PEX11G: variants seen among roughly 807,000 people sequenced by gnomAD.
PEX11G encodes peroxisomal biogenesis factor 11 gamma.
A neutral mutation model predicts 22.5 loss-of-function variants in PEX11G; 20 were observed. The observed-to-expected ratio is 0.89, with a 90% CI of 0.62 to 1.29. The LOEUF (loss-of-function observed/expected upper bound fraction) is 1.29. PEX11G is among the 50% of genes most tolerant of loss of function. The probability of loss-of-function intolerance (pLI) is 0.00; values close to 1 mark genes in which losing one functional copy is unlikely to be tolerated. For missense variants in PEX11G, 347 were observed against 331.3 expected (o/e 1.05, Z -0.37); for synonymous variants, 141 against 154.5 (o/e 0.91, Z 0.65).
chr19:7,486,195 C>A (rs1406125773), intron 1 of PEX11G, among the ~76,000 whole-genome samples, 169 bp from the exon 2 acceptor site: 1 of 152,134 alleles, frequency 6.6e-6, no homozygotes, highest in African/African-American at 2.4e-5. Flanking sequence ...GGCACGATCT[C>A]GGCTCACCGC....
upstream of PEX11G, chr19:7,493,184 G>A (rs2021919215): frequency 2.0e-5 from 3 of 151,150 alleles, no homozygotes. Flanking sequence ...CTTCCTCTCT[G>A]TCTCTCTCTC....
Position 7,488,997 on chromosome 19 carries a change from C to T in PEX11G, c.14G>A (p.Ser5Asn). ...CGACTCCAGCGCCGACGCCAGGCCG[C>T]TCAGCGACGCCATGGCAACTCCGTG... MASL[S>N]GLASALESYR... The change falls in exon 1 of 5, where the codon AGC (serine) becomes AAC (asparagine). Residue 5 changes from serine to asparagine, a missense_variant. Coordinates refer to ENST00000221480, the MANE Select transcript of PEX11G (RefSeq NM_080662.4). 1 of 1,543,488 alleles carries T rather than the reference C, an allele frequency of 6.5e-7. No individual in the cohort carries two copies. The highest frequency in any genetic ancestry group is 1.2e-5 in the South Asian group (1 of 83,894).
Position 7,486,606 on chromosome 19 carries a change from A to AT in PEX11G, c.61-581dup, listed in dbSNP as rs995609683. Among the ~76,000 whole-genome samples the AT allele has an allele frequency of 8.3e-3, 1,235 of 148,482 alleles. 18 individuals carry two copies. The highest frequency in any genetic ancestry group is 0.026 in the African/African-American group (1,051 of 40,674). On this transcript the variant is annotated intron_variant, in intron 1 of 4. Coordinates refer to ENST00000221480, the MANE Select transcript of PEX11G (RefSeq NM_080662.4). ...GCAAGACCCTGTGTCTACCAAAAAAATTTTTTTTTTTGAGACGGAGTCTTG... is the reference window on the plus strand; with the variant it reads ...GCAAGACCCTGTGTCTACCAAAAAAATTTTTTTTTTTTGAGACGGAGTCTTG...
chr19:7,482,036 G>A lies in PEX11G; in HGVS notation c.425C>T (p.Ala142Val). 1.3e-6 allele frequency: 2 copies of A among 1,593,692 alleles called. No individual in the cohort carries two copies. The highest frequency in any genetic ancestry group is 1.7e-6 in the Non-Finnish European group (2 of 1,171,452). Residue 142 changes from alanine to valine, a missense_variant, in exon 3 of 5, where the codon GCC (alanine) becomes GTC (valine). By Grantham distance (64) the Ala-to-Val change is moderately conservative. Transcript: ENST00000221480. ...CCTTCTGGCCCATGCCACTTACCTG[G>A]CAACCCCCAGGAGCAGAGAGAGGGC... ...LWALSLLLGV[A>V]RSLWMLLKLR...
rs1389296927 is a variant in PEX11G at position 7,478,300 on chromosome 19, T to C, written c.491+14A>G. ...GGGAGTGGGCCTCCCTGCTGGGTGATCACGGGCTCCTACCTGGTGAAGGGC... is the reference window on the plus strand; with the variant it reads ...GGGAGTGGGCCTCCCTGCTGGGTGACCACGGGCTCCTACCTGGTGAAGGGC... On this transcript the variant is annotated intron_variant, in intron 4 of 4. Transcript: ENST00000221480. 34 of 1,609,086 alleles carry C rather than the reference T, an allele frequency of 2.1e-5. 1 individual carries two copies. Among genetic ancestry groups the C allele is most frequent in the Non-Finnish European group, 2.8e-5 (33 of 1,178,988 alleles).
In PEX11G at chr19:7,477,298, C is replaced by T. The variant is rs777864503; in HGVS notation, c.630G>A (p.Pro210=). 1.1e-5 allele frequency: 17 copies of T among 1,572,180 alleles called. No individual in the cohort carries two copies. The highest frequency in any genetic ancestry group is 1.4e-5 in the Non-Finnish European group (16 of 1,160,162). ...PRGVLWAGRF[P]PWLVGLMGTI... ...TGCCCATGAGGCCCACTAGCCACGG[C>T]GGGAAGCGGCCGGCCCACAGCACGC... Residue 210 remains proline (P), a synonymous_variant, in exon 5 of 5, where the codon CCG becomes CCA. Transcript: ENST00000221480.
upstream of PEX11G, among the ~76,000 whole-genome samples, chr19:7,493,925 A>G (rs771521538): frequency 4.1e-4 from 50 of 122,886 alleles, no homozygotes; most frequent in South Asian, 2.9e-3. Context: ...TTTTTTTTTT[A>G]GAGTCAGAGT....
At chr19:7,486,387 A>G (rs749042685) in intron 1 of PEX11G, among the ~76,000 whole-genome samples, 1 of 152,172 alleles carries the variant, frequency 6.6e-6, no homozygotes, top group Non-Finnish European at 1.5e-5. Flanking sequence ...TAGCCTCCCA[A>G]AGTGCTGGGA....
In PEX11G at chr19:7,477,250, C is replaced by A; in HGVS notation, c.678G>T (p.Met226Ile). The A allele has an allele frequency of 6.4e-7, 1 of 1,574,024 alleles. No individual in the cohort carries two copies. The highest frequency in any genetic ancestry group is 2.3e-5 in the East Asian group (1 of 42,820). The change falls in exon 5 of 5, where the codon ATG becomes ATT. Residue 226 changes from methionine to isoleucine, a missense_variant. Transcript: ENST00000221480. Reference sequence around the variant, plus strand: ...GGCCGCCGGCCCGGGCCGCCTGGTACATGCTGAGGATTGAGGAGATGGTGC... The same window carrying A: ...GGCCGCCGGCCCGGGCCGCCTGGTAAATGCTGAGGATTGAGGAGATGGTGC... ...LMGTISSILS[M>I]YQAARAGGQA...
chr19:7,491,247 T>G, upstream of PEX11G: 1 of 151,740 alleles, frequency 6.6e-6, no homozygotes, highest in African/African-American at 2.4e-5. Context: ...TCTCTCTGTA[T>G]TTTTACCACT....
chr19:7,480,510 C>A (rs575123954), intron 3 of PEX11G, among the ~76,000 whole-genome samples: 2 of 152,300 alleles, frequency 1.3e-5, no homozygotes, highest in African/African-American at 4.8e-5. Flanking sequence ...CCTTTTGAGA[C>A]AGCCAAAATG....
At chr19:7,488,870 G>T in intron 1 of PEX11G, 81 bp downstream of exon 1, 1 of 1,438,828 alleles carries the variant, frequency 7.0e-7, no homozygotes, top group Non-Finnish European at 9.5e-7. Flanking sequence ...GGGCGACCCC[G>T]TCCCCTCTCT....
At chr19:7,493,966 G>C (rs974480256), upstream of PEX11G, among the ~76,000 whole-genome samples, 2 of 151,080 alleles carry the variant, frequency 1.3e-5, no homozygotes, top group African/African-American at 4.9e-5. Flanking sequence ...GGAATACAGT[G>C]GTATGATCTT....
At chr19:7,490,413 C>T (rs2021854943), upstream of PEX11G, among the ~76,000 whole-genome samples, 3 of 151,372 alleles carry the variant, frequency 2.0e-5, no homozygotes, top group Admixed American at 1.3e-4. Context: ...CTCCGCCTCG[C>T]GGGTTCACGC....
At chr19:7,493,879 A>G (rs191461375), upstream of PEX11G, among the ~76,000 whole-genome samples, 555 of 136,066 alleles carry the variant, frequency 4.1e-3, 5 homozygotes, top group African/African-American at 0.013. Flanking sequence ...GTCTTTGTGC[A>G]CTCCCCTCTC....
At chr19:7,485,671 A>T (rs2021612406) in intron 2 of PEX11G, among the ~76,000 whole-genome samples, 167 bp downstream of exon 2, 1 of 152,014 alleles carries the variant, frequency 6.6e-6, no homozygotes, top group Admixed American at 6.6e-5. Context: ...GGGTTTTACC[A>T]TGTTGGCCTG....
At chr19:7,481,489 A>G (rs1379858728) in intron 3 of PEX11G, among the ~76,000 whole-genome samples, 1 of 152,256 alleles carries the variant, frequency 6.6e-6, no homozygotes, top group East Asian at 1.9e-4. Flanking sequence ...GGCATGAGCC[A>G]CCACGCCCAA....
At chr19:7,481,015 C>T (rs907159411) in intron 3 of PEX11G, among the ~76,000 whole-genome samples, 6 of 152,062 alleles carry the variant, frequency 3.9e-5, no homozygotes, top group African/African-American at 9.7e-5. Flanking sequence ...CTGACAGCAA[C>T]GCCAGCAAGA....
At chr19:7,489,325 A>C (rs192642880), upstream of PEX11G, 10 of 1,142,616 alleles carry the variant, frequency 8.8e-6, no homozygotes, top group East Asian at 4.6e-4. Flanking sequence ...CGCTCCAAAA[A>C]TATTCCAAGC....
Sources: gnomAD v4.1 joint callset for allele counts (sites outside exome capture counted in the v4.1 genomes callset) on GRCh38, gnomAD v4.1.1 for gene constraint, MANE v1.5 for transcripts, NCBI Gene and HGNC (gene_info 2026-07-23, HGNC 2026-07-21) for gene names.